FARP2: variants seen among roughly 807,000 people sequenced by gnomAD.
FARP2 encodes the protein FERM, ARH/RhoGEF and pleckstrin domain protein 2.
Under a neutral mutation model 130.5 loss-of-function variants are expected in FARP2, and 111 were observed. The observed-to-expected ratio is 0.85, with a 90% CI of 0.73 to 1.00. The LOEUF is 1.00. Ranked by LOEUF, FARP2 falls within the 50% of genes least tolerant of loss-of-function variation. FARP2 has a pLI of 0.00. For synonymous variants in FARP2, 504 were observed against 516.9 expected, an observed-to-expected ratio of 0.98 and a Z score of 0.34; for missense variants, 1,385 against 1,346.3, an observed-to-expected ratio of 1.03 and a Z score of -0.45.
intron 13 of FARP2, among the ~76,000 whole-genome samples, chr2:241,454,353 G>T (rs1056967840): frequency 6.6e-6 from 1 of 152,208 alleles, no homozygotes; most frequent in African/African-American, 2.4e-5. Context: ...GAAGGCCGAC[G>T]CTGACTTCCA....
intron 1 of FARP2, among the ~76,000 whole-genome samples, chr2:241,361,334 A>G (rs1366122911): frequency 6.6e-6 from 1 of 152,216 alleles, no homozygotes; most frequent in Non-Finnish European, 1.5e-5. Context: ...ACCCGCATTG[A>G]GATTGCTGGT....
intron 8 of FARP2, 96 bp downstream of exon 8, chr2:241,418,205 C>T: frequency 2.9e-6 from 4 of 1,358,372 alleles, no homozygotes; most frequent in Non-Finnish European, 4.2e-6. Context: ...AAATATTTGT[C>T]CTGATGAGTA....
chr2:241,445,495 T>G (rs917738492), intron 13 of FARP2: 3 of 152,224 alleles, frequency 2.0e-5, no homozygotes, highest in Non-Finnish European at 4.4e-5. Context: ...CAAGACAGTT[T>G]ACAGTGGTTA....
chr2:241,466,254 C>G (rs950790507), intron 17 of FARP2: 5 of 985,336 alleles, frequency 5.1e-6, no homozygotes, highest in Non-Finnish European at 6.0e-6. Context: ...AGTGTGGTCC[C>G]TGGAGCCCCG....
chr2:241,414,088 G>C (rs866492212), intron 7 of FARP2, among the ~76,000 whole-genome samples: 2 of 152,196 alleles, frequency 1.3e-5, no homozygotes, highest in Admixed American at 6.5e-5. Context: ...GGAAGACACT[G>C]TGCTGTGGTA....
intron 8 of FARP2, among the ~76,000 whole-genome samples, chr2:241,425,634 TAAAAAAAAAAAAA>T (rs1167925220): frequency 1.7e-4 from 8 of 45,980 alleles, no homozygotes; most frequent in South Asian, 9.5e-4. Flanking sequence ...TCCTACCAAG[TAAAAAAAAAAAAA>T]AAAAAAAAAA....
rs941264732 is a variant in FARP2, at chr2:241,431,612, C to T, written c.772-67C>T. The T allele has an allele frequency of 1.1e-5, 9 of 786,592 alleles. No homozygotes were observed. In the African/African-American group the frequency reaches 1.4e-4, roughly 12 times the overall value. The allele number at this position is 786,592 out of a possible 1,614,324, so 48.7% of individuals were successfully genotyped here. ...TTGGCAAGGATGTAATTTAAGCATT[C>T]CCTATTTCATGAGAAAGGGGTTATG... On this transcript the variant is annotated intron_variant, in intron 8 of 26. Transcript: ENST00000264042.
chr2:241,360,439 G>A (rs1164949016), intron 1 of FARP2, among the ~76,000 whole-genome samples: 1 of 152,162 alleles, frequency 6.6e-6, no homozygotes, highest in African/African-American at 2.4e-5. Flanking sequence ...AAGAGATGGA[G>A]AGGCAGGTGG....
intron 13 of FARP2, among the ~76,000 whole-genome samples, chr2:241,453,391 G>A (rs1485330603): frequency 6.6e-6 from 1 of 151,978 alleles, no homozygotes; most frequent in Non-Finnish European, 1.5e-5. Context: ...GGGAGGCCAA[G>A]GCGGGCAGAT....
chr2:241,486,461 C>CA lies in FARP2; in HGVS notation c.2421+2156dup, dbSNP rs56961097. On this transcript the variant is annotated intron_variant, in intron 21 of 26. Transcript: ENST00000264042. ...CCAGTGACAGAGTGAGACCTCGTCTCAAAAAAAAAAAAAAAAAAAAAAAAA... is the reference window on the plus strand; with the variant it reads ...CCAGTGACAGAGTGAGACCTCGTCTCAAAAAAAAAAAAAAAAAAAAAAAAAA... Among the ~76,000 whole-genome samples, 204 of 50,034 alleles carry CA rather than the reference C, an allele frequency of 4.1e-3. 19 individuals are homozygous for CA. Among genetic ancestry groups the CA allele is most frequent in the African/African-American group, 8.6e-3 (99 of 11,486 alleles). 32.8% of individuals were successfully genotyped at this position (50,034 alleles called of 152,430 possible).
At chr2:241,463,184 G>C in intron 15 of FARP2, 151 bp from the exon 16 acceptor site, 1 of 665,676 alleles carries the variant, frequency 1.5e-6, no homozygotes, top group Non-Finnish European at 2.4e-6. Flanking sequence ...GGTCAACAAA[G>C]AGGATGGCTG....
At chr2:241,410,514 C>G (rs2062489166) in intron 5 of FARP2, among the ~76,000 whole-genome samples, 1 of 151,878 alleles carries the variant, frequency 6.6e-6, no homozygotes, top group Non-Finnish European at 1.5e-5. Flanking sequence ...TCACTGCAAC[C>G]TCTGCATCCG....
intron 18 of FARP2, among the ~76,000 whole-genome samples, chr2:241,469,078 T>C (rs1430386735): frequency 6.0e-5 from 9 of 150,722 alleles, no homozygotes; most frequent in Admixed American, 2.7e-4. Flanking sequence ...TTTGTTTATG[T>C]TTATGGTTTT....
At chr2:241,406,367 TTA>T (rs142541198) in intron 4 of FARP2, among the ~76,000 whole-genome samples, 14,969 of 150,144 alleles carry the variant, frequency 0.1, 995 homozygotes, top group Non-Finnish European at 0.15. Context: ...CTCTCTCTCT[TTA>T]TATATATATA....
At chr2:241,407,162 A>T (rs1185349788) in intron 4 of FARP2, among the ~76,000 whole-genome samples, 1 of 152,178 alleles carries the variant, frequency 6.6e-6, no homozygotes, top group Non-Finnish European at 1.5e-5. Context: ...AAAGATTTTA[A>T]AATTCTATAT....
intron 13 of FARP2, among the ~76,000 whole-genome samples, chr2:241,453,662 T>G (rs1333530797): frequency 1.3e-5 from 2 of 151,698 alleles, no homozygotes; most frequent in East Asian, 3.9e-4. Context: ...AAATGATGAC[T>G]TTTAACCTCC....
chr2:241,369,199 C>A (rs2061375276), intron 1 of FARP2, among the ~76,000 whole-genome samples: 1 of 151,470 alleles, frequency 6.6e-6, no homozygotes, highest in Admixed American at 6.6e-5. Flanking sequence ...ATTCCTTAAG[C>A]TAGGAAAAGT....
intron 10 of FARP2, 83 bp from the exon 11 acceptor site, chr2:241,434,879 T>G: frequency 5.9e-6 from 5 of 847,846 alleles, no homozygotes; most frequent in Non-Finnish European, 7.9e-6. Context: ...AGAGGATGGG[T>G]AAATCTTTTC....
At chr2:241,481,468 G>C (rs921245163) in intron 19 of FARP2, among the ~76,000 whole-genome samples, 1 of 152,180 alleles carries the variant, frequency 6.6e-6, no homozygotes, top group Non-Finnish European at 1.5e-5. Context: ...TTAGAAGAAG[G>C]TATTGAAAAT....
Sources: gnomAD v4.1 joint callset for allele counts (sites outside exome capture counted in the v4.1 genomes callset) on GRCh38, gnomAD v4.1.1 for gene constraint, MANE v1.5 for transcripts, NCBI Gene and HGNC (gene_info 2026-07-23, HGNC 2026-07-21) for gene names.